SLC8A1: variants seen among roughly 807,000 people sequenced by gnomAD.
SLC8A1 encodes sodium/calcium exchanger 1.
In SLC8A1, 18 loss-of-function variants were observed where a neutral mutation model predicts 68.3. The observed-to-expected ratio is 0.26, with a 90% CI of 0.18 to 0.39. The LOEUF (loss-of-function observed/expected upper bound fraction) is 0.39. Among genes scored for constraint, SLC8A1 ranks in the 10% least tolerant of loss-of-function variants. The probability of loss-of-function intolerance (pLI) is 1.00; values close to 1 mark genes in which losing one functional copy is unlikely to be tolerated. For missense variants in SLC8A1, 985 were observed against 1,156.7 expected (o/e 0.85, Z 2.15); for synonymous variants, 475 against 415.5 (o/e 1.14, Z -1.74).
chr2:40,194,678 T>G (rs531087274), intron 2 of SLC8A1, among the ~76,000 whole-genome samples: 1 of 152,134 alleles, frequency 6.6e-6, no homozygotes, highest in South Asian at 2.1e-4. Flanking sequence ...TCGCCCTTCT[T>G]TGTGTTAAGC....
chr2:40,357,091 G>A (rs1044215575), intron 2 of SLC8A1, among the ~76,000 whole-genome samples: 1 of 152,174 alleles, frequency 6.6e-6, no homozygotes, highest in Admixed American at 6.5e-5. Context: ...AGGGTAGGAG[G>A]CACATGAAAG....
rs547883290 is a variant in SLC8A1 at position 40,247,298 on chromosome 2, T to G, written c.1809-69443A>C. On this transcript the variant is annotated intron_variant, in intron 2 of 7. Coordinates refer to ENST00000406785, the Ensembl canonical transcript of SLC8A1. ...TCAGCTTGGCTTAGTTCTACCATGG[T>G]CCTGAACAGCCAGGCTCTAGGTTAA... is the stretch of plus-strand genomic sequence containing the variant. Among the ~76,000 whole-genome samples the G allele has an allele frequency of 1.1e-3, 170 of 152,322 alleles. 1 individual carries two copies. Among genetic ancestry groups the G allele is most frequent in the African/African-American group, 3.5e-3 (146 of 41,578 alleles).
intron 1 of SLC8A1, among the ~76,000 whole-genome samples, chr2:40,500,188 C>T (rs935667173): frequency 6.6e-6 from 1 of 152,188 alleles, no homozygotes; most frequent in Admixed American, 6.5e-5. Context: ...GTATCTCATA[C>T]TTCTGAGTTA....
chr2:40,497,429 T>A (rs932103550), intron 1 of SLC8A1, among the ~76,000 whole-genome samples: 2 of 151,974 alleles, frequency 1.3e-5, no homozygotes, highest in East Asian at 1.9e-4. Flanking sequence ...AAATACATGT[T>A]GACAATATTA....
At chr2:40,287,269 C>G (rs912284112) in intron 2 of SLC8A1, among the ~76,000 whole-genome samples, 4 of 152,098 alleles carry the variant, frequency 2.6e-5, no homozygotes, top group African/African-American at 7.2e-5. Flanking sequence ...GAGAACAATA[C>G]AAGCAAGTTT....
intron 2 of SLC8A1, among the ~76,000 whole-genome samples, chr2:40,200,184 AT>A (rs368570844): frequency 0.33 from 7,436 of 22,488 alleles, 1,854 homozygotes; most frequent in Middle Eastern, 0.5. Context: ...ATATATATAT[AT>A]ATATATTTAT....
At chr2:40,484,672 A>AAG (rs1704843731) in intron 1 of SLC8A1, among the ~76,000 whole-genome samples, 1 of 152,234 alleles carries the variant, frequency 6.6e-6, no homozygotes, top group African/African-American at 2.4e-5. Context: ...TGGTACTATC[A>AAG]GCTGAGTTAG....
intron 2 of SLC8A1, among the ~76,000 whole-genome samples, chr2:40,350,587 C>CAAAAAAAAAAA (rs572258156): frequency 5.2e-4 from 40 of 76,216 alleles, no homozygotes; most frequent in Non-Finnish European, 5.7e-4. Context: ...CCCAGACAAG[C>CAAAAAAAAAAA]AAAAAAAAAA....
At chr2:40,429,934 T>C in exon 2 of SLC8A1, 1 of 1,613,434 alleles carries the variant, frequency 6.2e-7, no homozygotes, top group East Asian at 2.2e-5. Context: ...ATTGGGTTTC[T>C]TTATGGTTAT....
intron 2 of SLC8A1, among the ~76,000 whole-genome samples, chr2:40,258,913 T>C (rs1009240991): frequency 3.1e-4 from 46 of 149,578 alleles, no homozygotes; most frequent in African/African-American, 1.1e-3. Context: ...ATGGTTGTAA[T>C]TGAACCAGAA....
chr2:40,419,149 G>A (rs1694762344), intron 2 of SLC8A1, among the ~76,000 whole-genome samples: 2 of 152,190 alleles, frequency 1.3e-5, no homozygotes, highest in Admixed American at 6.5e-5. Flanking sequence ...CTTGCAAGGG[G>A]CTTGGCATGG....
chr2:40,242,446 G>A (rs538816480), intron 2 of SLC8A1, among the ~76,000 whole-genome samples: 13 of 152,208 alleles, frequency 8.5e-5, no homozygotes, highest in African/African-American at 2.4e-4. Context: ...CTGTGTTTAT[G>A]TTGCTTCTCC....
chr2:40,435,850 A>G (rs1340890512), intron 1 of SLC8A1, among the ~76,000 whole-genome samples: 1 of 151,936 alleles, frequency 6.6e-6, no homozygotes, highest in Non-Finnish European at 1.5e-5. Context: ...AACTCGGCTC[A>G]CTGCAGCCTG....
chr2:40,168,516 T>C (rs953533460), intron 4 of SLC8A1, among the ~76,000 whole-genome samples: 6 of 152,214 alleles, frequency 3.9e-5, no homozygotes, highest in African/African-American at 1.4e-4. Flanking sequence ...TCTACAGTTA[T>C]ACTGATAAAT....
chr2:40,176,269 C>T (rs10202413), intron 3 of SLC8A1, among the ~76,000 whole-genome samples: 18,114 of 151,948 alleles, frequency 0.12, 1,177 homozygotes, highest in African/African-American at 0.13. Flanking sequence ...ATCCACTTGG[C>T]GGGTGTGAAA....
At chr2:40,395,438 ACT>A (rs1261389521) in intron 2 of SLC8A1, among the ~76,000 whole-genome samples, 1 of 151,888 alleles carries the variant, frequency 6.6e-6, no homozygotes, top group Non-Finnish European at 1.5e-5. Context: ...TATCACTGGC[ACT>A]CTTAGTCAGG....
intron 2 of SLC8A1, among the ~76,000 whole-genome samples, chr2:40,351,419 G>T (rs17025867): frequency 6.6e-6 from 1 of 151,628 alleles, no homozygotes; most frequent in South Asian, 2.1e-4. Context: ...TCCTGAAAAA[G>T]GGAGACCATA....
At chr2:40,331,873 G>A (rs777535144) in intron 2 of SLC8A1, among the ~76,000 whole-genome samples, 11 of 152,122 alleles carry the variant, frequency 7.2e-5, no homozygotes, top group Non-Finnish European at 1.5e-4. Context: ...GATTACAGGC[G>A]TGAGCCACCG....
intron 2 of SLC8A1, among the ~76,000 whole-genome samples, chr2:40,400,249 G>A (rs575429547): frequency 2.0e-5 from 3 of 152,158 alleles, no homozygotes; most frequent in South Asian, 2.1e-4. Flanking sequence ...TTTTGTCTGC[G>A]GCTTGTCCTG....
Sources: allele counts gnomAD v4.1 joint callset (sites outside exome capture counted in the v4.1 genomes callset), GRCh38; gene constraint gnomAD v4.1.1; transcripts MANE v1.5; gene names NCBI Gene and HGNC (gene_info 2026-07-23, HGNC 2026-07-21).